Variants in ZBTB20 observed in about 807,000 individuals in gnomAD.
ZBTB20 encodes zinc finger and BTB domain containing 20.
A neutral mutation model predicts 56.9 loss-of-function variants in ZBTB20; 9 were observed. The ratio of observed to expected loss-of-function variants is 0.16; its 90% confidence interval spans 0.10 to 0.28. The LOEUF (loss-of-function observed/expected upper bound fraction) is 0.28. Among genes scored for constraint, ZBTB20 ranks in the 10% least tolerant of loss-of-function variants. The pLI is 1.00. For missense variants in ZBTB20, 655 were observed against 1,003.0 expected (o/e 0.65, Z 4.69); for synonymous variants, 417 against 420.7 (o/e 0.99, Z 0.11).
chr3:114,801,531 C>A (rs1317645887), intron 4 of ZBTB20, among the ~76,000 whole-genome samples: 1 of 151,476 alleles, frequency 6.6e-6, no homozygotes. Flanking sequence ...ACAATTTCTA[C>A]AGCCTAAAGA....
intron 5 of ZBTB20, among the ~76,000 whole-genome samples, chr3:114,751,194 T>C (rs759560074): frequency 6.6e-6 from 1 of 152,118 alleles, no homozygotes; most frequent in Non-Finnish European, 1.5e-5. Context: ...CACAGGACTT[T>C]TATGTGTTAT....
chr3:114,879,037 T>C (rs2076301244), intron 4 of ZBTB20, among the ~76,000 whole-genome samples: 1 of 152,210 alleles, frequency 6.6e-6, no homozygotes, highest in Non-Finnish European at 1.5e-5. Context: ...CAAATGGTCA[T>C]GGGAGATGCA....
At chr3:114,437,136 A>G (rs1282381430) in intron 7 of ZBTB20, among the ~76,000 whole-genome samples, 1 of 152,148 alleles carries the variant, frequency 6.6e-6, no homozygotes, top group Non-Finnish European at 1.5e-5. Flanking sequence ...AACTAACACA[A>G]GGACCCTAGG....
At chr3:115,126,284 G>A (rs569448627) in intron 1 of ZBTB20, among the ~76,000 whole-genome samples, 1 of 152,206 alleles carries the variant, frequency 6.6e-6, no homozygotes, top group African/African-American at 2.4e-5. Flanking sequence ...TATCATTTTA[G>A]GAAAACAATT....
intron 5 of ZBTB20, among the ~76,000 whole-genome samples, chr3:114,718,356 T>A (rs1474970110): frequency 1.3e-5 from 2 of 152,128 alleles, no homozygotes; most frequent in African/African-American, 4.8e-5. Context: ...AAGACTTCCT[T>A]TAAGAATACA....
At chr3:114,627,468 G>C (rs963845297) in intron 6 of ZBTB20, among the ~76,000 whole-genome samples, 2 of 152,088 alleles carry the variant, frequency 1.3e-5, no homozygotes, top group African/African-American at 4.8e-5. Flanking sequence ...TACATCTTAA[G>C]CCTACTTCTG....
intron 3 of ZBTB20, among the ~76,000 whole-genome samples, chr3:114,959,720 T>TACACACACAC (rs56785871): frequency 3.5e-4 from 51 of 145,362 alleles, no homozygotes; most frequent in Middle Eastern, 7.0e-3. Flanking sequence ...TTTATATACA[T>TACACACACAC]ACACACACAC....
At chr3:115,122,625 T>A (rs1380937993) in intron 1 of ZBTB20, among the ~76,000 whole-genome samples, 1 of 152,124 alleles carries the variant, frequency 6.6e-6, no homozygotes, top group Non-Finnish European at 1.5e-5. Context: ...TGCCTCTCCA[T>A]AAAATCTAAG....
intron 3 of ZBTB20, among the ~76,000 whole-genome samples, chr3:114,948,887 A>C (rs1245274120): frequency 6.8e-6 from 1 of 146,148 alleles, no homozygotes; most frequent in Non-Finnish European, 1.5e-5. Context: ...ATACCATCTC[A>C]ATCAAAATCC....
chr3:114,765,017 A>T (rs1014386067), intron 5 of ZBTB20, among the ~76,000 whole-genome samples: 1 of 152,172 alleles, frequency 6.6e-6, no homozygotes, highest in African/African-American at 2.4e-5. Flanking sequence ...CACTTTCGGA[A>T]GAAAGTACAA....
intron 6 of ZBTB20, among the ~76,000 whole-genome samples, chr3:114,567,034 G>A (rs925641966): frequency 1.3e-5 from 2 of 152,266 alleles, no homozygotes; most frequent in South Asian, 2.1e-4. Context: ...TGGTTGCATA[G>A]GGGTGTCATG....
At chr3:115,012,342 C>A (rs781415433) in intron 2 of ZBTB20, among the ~76,000 whole-genome samples, 1 of 151,696 alleles carries the variant, frequency 6.6e-6, no homozygotes, top group Non-Finnish European at 1.5e-5. Flanking sequence ...CCTATAAAGA[C>A]ACATACAGAC....
chr3:114,575,208 T>C (rs2053879086), intron 6 of ZBTB20, among the ~76,000 whole-genome samples: 1 of 152,118 alleles, frequency 6.6e-6, no homozygotes, highest in Admixed American at 6.5e-5. Context: ...TAGAAACAGC[T>C]AGGAAGGCAG....
At chr3:114,765,598 GT>G (rs143605885) in intron 5 of ZBTB20, among the ~76,000 whole-genome samples, 3,025 of 152,122 alleles carry the variant, frequency 0.02, 102 homozygotes, top group African/African-American at 0.068. Flanking sequence ...ATAAATCTCT[GT>G]TGTTTAAACA....
chr3:114,915,659 C>T (rs562225127), intron 3 of ZBTB20, among the ~76,000 whole-genome samples: 31 of 151,926 alleles, frequency 2.0e-4, no homozygotes, highest in African/African-American at 6.5e-4. Flanking sequence ...CTCTAGTTCT[C>T]TAAGATGCAT....
intron 3 of ZBTB20, among the ~76,000 whole-genome samples, chr3:114,940,721 A>C (rs2076695539): frequency 6.8e-6 from 1 of 146,528 alleles, no homozygotes. Context: ...TTATGTTACA[A>C]TATTGGCCTT....
chr3:114,967,122 T>C (rs993068603), intron 3 of ZBTB20, among the ~76,000 whole-genome samples: 1 of 152,220 alleles, frequency 6.6e-6, no homozygotes, highest in Admixed American at 6.5e-5. Context: ...TATTCAGATG[T>C]TTTTAAGTAT....
At chr3:114,526,742 T>G (rs946429090) in intron 6 of ZBTB20, among the ~76,000 whole-genome samples, 1 of 152,226 alleles carries the variant, frequency 6.6e-6, no homozygotes, top group Non-Finnish European at 1.5e-5. Flanking sequence ...TTATGTATAA[T>G]AGCAAATGTC....
At chr3:114,820,176 T>A (rs371773015) in intron 4 of ZBTB20, among the ~76,000 whole-genome samples, 1 of 152,012 alleles carries the variant, frequency 6.6e-6, no homozygotes, top group South Asian at 2.1e-4. Context: ...ATAAAAATGA[T>A]CCTCAGAGTA....
Sources: allele counts gnomAD v4.1 joint callset (sites outside exome capture counted in the v4.1 genomes callset), GRCh38; gene constraint gnomAD v4.1.1; transcripts MANE v1.5; gene names NCBI Gene and HGNC (gene_info 2026-07-23, HGNC 2026-07-21).